CPLX1: variants seen among roughly 807,000 people sequenced by gnomAD.
CPLX1 encodes the protein complexin-1.
In CPLX1, 6 loss-of-function variants were observed where a neutral mutation model predicts 15.6. That is an observed-to-expected ratio of 0.39 (90% CI 0.21 to 0.76). The LOEUF is 0.76. CPLX1 is among the 30% of genes least tolerant of loss of function. The pLI, the probability that CPLX1 is intolerant of heterozygous loss-of-function variation, is 0.43. For missense variants in CPLX1, 242 were observed against 188.6 expected, an observed-to-expected ratio of 1.28 and a Z score of -1.66; for synonymous variants, 91 against 75.2, an observed-to-expected ratio of 1.21 and a Z score of -1.08.
chr4:809,001 A>C (rs1746608328), intron 2 of CPLX1, among the ~76,000 whole-genome samples: 2 of 152,254 alleles, frequency 1.3e-5, no homozygotes, highest in South Asian at 2.1e-4. Flanking sequence ...AGAGATAGAG[A>C]GCGCGCGAGT....
intron 2 of CPLX1, among the ~76,000 whole-genome samples, chr4:801,695 T>C (rs913295221): frequency 2.0e-5 from 3 of 152,220 alleles, no homozygotes; most frequent in Non-Finnish European, 2.9e-5. Context: ...CACTCTTTGA[T>C]GTTCGCACAG....
rs1034723015 is a variant in CPLX1, at chr4:786,301, G to A, written c.*200C>T. On this transcript the variant is annotated 3_prime_UTR_variant, in exon 4 of 4. Transcript: ENST00000304062. The stretch of plus-strand genomic sequence containing the variant: ...GGGCTCCAGCCACCCGCGGGCAGAG[G>A]AGCACGGGGCGGACTGGGGGGGTCC... 24 of 447,118 alleles carry A rather than the reference G, an allele frequency of 5.4e-5. No individual in the cohort carries two copies. The highest frequency in any genetic ancestry group is 3.3e-4 in the East Asian group (9 of 27,576). The allele number at this position is 447,118 out of a possible 1,614,324, so 27.7% of individuals were successfully genotyped here.
At chr4:798,286 A>T (rs1280621732) in intron 2 of CPLX1, among the ~76,000 whole-genome samples, 1 of 151,956 alleles carries the variant, frequency 6.6e-6, no homozygotes, top group East Asian at 1.9e-4. Flanking sequence ...AAAAAAAAAA[A>T]AAAAAAGAAC....
chr4:824,482 C>G lies in CPLX1; in HGVS notation c.31+10G>C. 1.2e-6 allele frequency: 2 copies of G among 1,612,384 alleles called. No individual in the cohort carries two copies. The highest frequency in any genetic ancestry group is 1.7e-6 in the Non-Finnish European group (2 of 1,179,350). On this transcript the variant is annotated intron_variant, in intron 2 of 3. Transcript: ENST00000304062. Reference sequence around the variant, plus strand: ...CTCAGCCCCTCCCCACCCCACCTCCCGCTTCCTACCTCCTAGAGCCTGCTT... The same window carrying G: ...CTCAGCCCCTCCCCACCCCACCTCCGGCTTCCTACCTCCTAGAGCCTGCTT...
intron 3 of CPLX1, chr4:787,571 G>A (rs1746038525): frequency 1.5e-6 from 1 of 688,996 alleles, no homozygotes; most frequent in Non-Finnish European, 1.8e-6. Flanking sequence ...ATGGGGGCGG[G>A]CATACGAAAG....
At chr4:809,092 T>C (rs1196257885) in intron 2 of CPLX1, among the ~76,000 whole-genome samples, 1 of 152,198 alleles carries the variant, frequency 6.6e-6, no homozygotes, top group African/African-American at 2.4e-5. Flanking sequence ...TGGCGTTCCA[T>C]GGGAAACACA....
chr4:790,290 C>T (rs957952440), intron 3 of CPLX1, among the ~76,000 whole-genome samples: 2 of 152,206 alleles, frequency 1.3e-5, no homozygotes, highest in Non-Finnish European at 2.9e-5. Context: ...ATCCCTGCCA[C>T]CTGCTGTTCT....
intron 2 of CPLX1, chr4:804,898 G>A: frequency 1.0e-6 from 1 of 985,480 alleles, no homozygotes. Flanking sequence ...AACGCAGGCG[G>A]CAGCCATTTT....
At chr4:789,540 C>T (rs1192009332) in intron 3 of CPLX1, among the ~76,000 whole-genome samples, 6 of 152,166 alleles carry the variant, frequency 3.9e-5, no homozygotes, top group Non-Finnish European at 8.8e-5. Flanking sequence ...ATTGAGGGAG[C>T]CTAGTGGGCC....
At chr4:816,661 A>C (rs1746762142) in intron 2 of CPLX1, among the ~76,000 whole-genome samples, 1 of 148,248 alleles carries the variant, frequency 6.7e-6, no homozygotes, top group Non-Finnish European at 1.5e-5. Context: ...CCCTGTCTTA[A>C]AAAAAAAAAA....
At chr4:810,239 C>T (rs577007885) in intron 2 of CPLX1, among the ~76,000 whole-genome samples, 2 of 151,238 alleles carry the variant, frequency 1.3e-5, no homozygotes, top group African/African-American at 2.4e-5. Flanking sequence ...TTAGTAGAGA[C>T]GGGGTTTCAC....
At chr4:814,283 G>A (rs1746710276) in intron 2 of CPLX1, among the ~76,000 whole-genome samples, 1 of 152,052 alleles carries the variant, frequency 6.6e-6, no homozygotes, top group East Asian at 1.9e-4. Flanking sequence ...CGCAATCTCA[G>A]CTCACTGCAA....
chr4:789,839 C>G (rs1394938427), intron 3 of CPLX1, among the ~76,000 whole-genome samples: 1 of 152,206 alleles, frequency 6.6e-6, no homozygotes, highest in East Asian at 1.9e-4. Context: ...CCCAAGATGC[C>G]GGGGGGTGCC....
intron 3 of CPLX1, among the ~76,000 whole-genome samples, chr4:790,115 C>A (rs148598105): frequency 6.6e-6 from 1 of 152,234 alleles, no homozygotes; most frequent in East Asian, 1.9e-4. Flanking sequence ...GTTCCCCCAC[C>A]CCAAAGGCTC....
rs553634385 is a variant in CPLX1, at chr4:787,488, G to A, written c.208-790C>T. On this transcript the variant is annotated intron_variant, in intron 3 of 3. Transcript: ENST00000304062. ...TCATAATGGTAAGGATGGGGACGAG[G>A]CCATCCTGGATTTGAGGGGCCTCAA... 3.0e-5 allele frequency: 23 copies of A among 771,152 alleles called. No homozygotes were observed. The African/African-American group carries it at 3.6e-4, about 12-fold the overall frequency. 47.8% of individuals were successfully genotyped at this position (771,152 alleles called of 1,614,324 possible).
intron 2 of CPLX1, among the ~76,000 whole-genome samples, chr4:821,167 C>T (rs539018463): frequency 6.6e-6 from 1 of 152,362 alleles, no homozygotes; most frequent in Non-Finnish European, 1.5e-5. Context: ...TGTCGCCCCC[C>T]AGGTTGGGCC....
At chr4:792,389 A>G in intron 3 of CPLX1, 44 bp downstream of exon 3, 1 of 1,478,152 alleles carries the variant, frequency 6.8e-7, no homozygotes, top group Non-Finnish European at 9.0e-7. Flanking sequence ...TCCCCGCTGG[A>G]CTCAGGGCCG....
chr4:800,766 T>A (rs1270294649), intron 2 of CPLX1, among the ~76,000 whole-genome samples: 1 of 145,552 alleles, frequency 6.9e-6, no homozygotes, highest in African/African-American at 2.5e-5. Context: ...CACACACATA[T>A]ACACACACAG....
At chr4:819,769 C>A (rs951877711) in intron 2 of CPLX1, among the ~76,000 whole-genome samples, 1 of 152,238 alleles carries the variant, frequency 6.6e-6, no homozygotes, top group Non-Finnish European at 1.5e-5. Context: ...TCTGTAAAGA[C>A]CACCACTAAA....
Sources: gnomAD v4.1 joint callset for allele counts (sites outside exome capture counted in the v4.1 genomes callset) on GRCh38, gnomAD v4.1.1 for gene constraint, MANE v1.5 for transcripts, NCBI Gene and HGNC (gene_info 2026-07-23, HGNC 2026-07-21) for gene names.